PPM1E: variants seen among roughly 807,000 people sequenced by gnomAD.
The protein encoded by PPM1E is protein phosphatase 1E.
In PPM1E, 20 loss-of-function variants were observed where a neutral mutation model predicts 65.9. That is an observed-to-expected ratio of 0.30 (90% CI 0.21 to 0.44). The LOEUF (loss-of-function observed/expected upper bound fraction) is 0.44. Ranked by LOEUF, PPM1E falls within the 20% of genes least tolerant of loss-of-function variation. The pLI is 1.00. For missense variants in PPM1E, 713 were observed against 953.1 expected, an observed-to-expected ratio of 0.75 and a Z score of 3.32; for synonymous variants, 352 against 374.9, an observed-to-expected ratio of 0.94 and a Z score of 0.70.
chr17:58,927,885 C>G (rs1030822108), intron 1 of PPM1E, among the ~76,000 whole-genome samples: 1 of 151,908 alleles, frequency 6.6e-6, no homozygotes. Context: ...ATGGTGAAAC[C>G]CTCTCTCTGT....
intron 1 of PPM1E, among the ~76,000 whole-genome samples, chr17:58,809,681 C>A (rs1598584637): frequency 3.9e-5 from 6 of 152,188 alleles, no homozygotes; most frequent in Admixed American, 3.9e-4. Context: ...CTGTGCCCAG[C>A]CCCCCTCATT....
intron 1 of PPM1E, among the ~76,000 whole-genome samples, chr17:58,849,083 G>A (rs1188298075): frequency 6.6e-6 from 1 of 152,138 alleles, no homozygotes; most frequent in Non-Finnish European, 1.5e-5. Context: ...AGTATTCTCT[G>A]ATGGTAGTTT....
At chr17:58,794,047 A>G (rs898670982) in intron 1 of PPM1E, among the ~76,000 whole-genome samples, 4 of 151,862 alleles carry the variant, frequency 2.6e-5, no homozygotes, top group Non-Finnish European at 5.9e-5. Context: ...GGTTCAAGCA[A>G]TTCTCCCTGC....
chr17:58,879,881 G>A (rs1795985184), intron 1 of PPM1E, among the ~76,000 whole-genome samples: 1 of 152,158 alleles, frequency 6.6e-6, no homozygotes. Flanking sequence ...GGCTTTGGAG[G>A]AGTGGCAAAA....
intron 1 of PPM1E, among the ~76,000 whole-genome samples, chr17:58,797,665 G>C (rs1199438267): frequency 1.3e-5 from 2 of 152,078 alleles, no homozygotes; most frequent in Non-Finnish European, 2.9e-5. Flanking sequence ...TATTAATAAA[G>C]CTCCTATGAA....
chr17:58,870,281 T>A (rs2051054972), intron 1 of PPM1E, among the ~76,000 whole-genome samples: 2 of 152,224 alleles, frequency 1.3e-5, no homozygotes, highest in African/African-American at 4.8e-5. Flanking sequence ...AATGGCTTTA[T>A]CAGAAAGCTT....
intron 1 of PPM1E, among the ~76,000 whole-genome samples, chr17:58,917,371 C>CTAAG (rs2051696860): frequency 6.6e-6 from 1 of 152,106 alleles, no homozygotes; most frequent in African/African-American, 2.4e-5. Flanking sequence ...GTTTTCTTAG[C>CTAAG]TAAGAGGATT....
intron 4 of PPM1E, 96 bp downstream of exon 4, chr17:58,969,823 G>T: frequency 8.6e-7 from 1 of 1,163,964 alleles, no homozygotes. Context: ...TCTCTTTCTG[G>T]GCAGACATTA....
At chr17:58,861,988 A>G (rs1312880411) in intron 1 of PPM1E, among the ~76,000 whole-genome samples, 1 of 152,220 alleles carries the variant, frequency 6.6e-6, no homozygotes, top group East Asian at 1.9e-4. Context: ...TCCTGGTTGA[A>G]GTCCTTGGTC....
chr17:58,763,685 T>C (rs142847360), intron 1 of PPM1E, among the ~76,000 whole-genome samples: 2 of 152,270 alleles, frequency 1.3e-5, no homozygotes, highest in African/African-American at 4.8e-5. Context: ...AATTGTTTTG[T>C]CCAGCAGTAC....
At chr17:58,886,874 G>A (rs1359933194) in intron 1 of PPM1E, among the ~76,000 whole-genome samples, 1 of 152,216 alleles carries the variant, frequency 6.6e-6, no homozygotes, top group Non-Finnish European at 1.5e-5. Context: ...GGGATGCCTA[G>A]TGGTGGGGAG....
intron 1 of PPM1E, among the ~76,000 whole-genome samples, chr17:58,950,851 T>A (rs2143631212): frequency 6.7e-6 from 1 of 150,150 alleles, no homozygotes; most frequent in South Asian, 2.1e-4. Flanking sequence ...TGATCTCTGC[T>A]CACTGCAAGC....
intron 1 of PPM1E, among the ~76,000 whole-genome samples, chr17:58,779,325 C>T (rs762147852): frequency 1.3e-5 from 2 of 151,754 alleles, no homozygotes; most frequent in Non-Finnish European, 2.9e-5. Context: ...GCATGCACCA[C>T]CACACCCAGC....
At chr17:58,869,320 G>A (rs1033201936) in intron 1 of PPM1E, among the ~76,000 whole-genome samples, 5 of 152,140 alleles carry the variant, frequency 3.3e-5, no homozygotes, top group Admixed American at 2.6e-4. Context: ...TGTCCTGTCC[G>A]AATTTCATGT....
intron 1 of PPM1E, among the ~76,000 whole-genome samples, chr17:58,846,474 A>G (rs1222897697): frequency 2.0e-5 from 3 of 152,002 alleles, no homozygotes; most frequent in African/African-American, 2.4e-5. Flanking sequence ...CCTGTGTTCA[A>G]GTATTCTCAT....
At chr17:58,862,040 C>A (rs2050948087) in intron 1 of PPM1E, among the ~76,000 whole-genome samples, 2 of 152,200 alleles carry the variant, frequency 1.3e-5, no homozygotes, top group South Asian at 4.1e-4. Context: ...TGGAAACACT[C>A]TTTTACTCAA....
intron 1 of PPM1E, among the ~76,000 whole-genome samples, chr17:58,824,575 T>C (rs2050513176): frequency 6.6e-6 from 1 of 151,378 alleles, no homozygotes; most frequent in Admixed American, 6.6e-5. Flanking sequence ...AATAATGCTG[T>C]TGTTTGCTTC....
At position 58,755,887 on chromosome 17, in the gene PPM1E, C is replaced by A. The variant is rs564240702; in HGVS notation, c.-111C>A. ...GCAACCTAGTGCTGATCGCTCGTGC[C>A]GGTGCGGCCGTTAACCGCCCTTGCC... On this transcript the variant is annotated 5_prime_UTR_variant, in exon 1 of 7. Transcript: ENST00000308249. 5 of 1,520,304 alleles carry A rather than the reference C, an allele frequency of 3.3e-6. No individual in the cohort carries two copies. Among genetic ancestry groups the A allele is most frequent in the Admixed American group, 4.4e-5 (2 of 45,836 alleles). The allele number at this position is 1,520,304 out of a possible 1,614,324, so 94.2% of individuals were successfully genotyped here.
chr17:58,824,889 T>G (rs2050517781), intron 1 of PPM1E, among the ~76,000 whole-genome samples: 1 of 151,874 alleles, frequency 6.6e-6, no homozygotes, highest in Admixed American at 6.6e-5. Flanking sequence ...ATTACAGGTG[T>G]GAGCCACTGC....
Sources: allele counts gnomAD v4.1 joint callset (sites outside exome capture counted in the v4.1 genomes callset), GRCh38; gene constraint gnomAD v4.1.1; transcripts MANE v1.5; gene names NCBI Gene and HGNC (gene_info 2026-07-23, HGNC 2026-07-21).